The following NAPB variants were observed in gnomAD, a reference collection of about 807,000 sequenced individuals.
The protein encoded by NAPB is beta-soluble NSF attachment protein.
In NAPB, 26 loss-of-function variants were observed where a neutral mutation model predicts 44.7. The ratio of observed to expected loss-of-function variants is 0.58; its 90% CI spans 0.43 to 0.81. The LOEUF (loss-of-function observed/expected upper bound fraction) is 0.81. Ranked by LOEUF, NAPB falls within the 30% of genes least tolerant of loss-of-function variation. The pLI, the probability that NAPB is intolerant of heterozygous loss-of-function variation, is 0.00. For missense variants in NAPB, 315 were observed against 356.4 expected (o/e 0.88, Z 0.94); for synonymous variants, 120 against 116.8 (o/e 1.03, Z -0.18).
intron 5 of NAPB, among the ~76,000 whole-genome samples, chr20:23,393,678 C>T (rs949028218): frequency 1.3e-5 from 2 of 152,106 alleles, no homozygotes; most frequent in African/African-American, 4.8e-5. Flanking sequence ...TGTAAGGAGA[C>T]ATCTGCTCAG....
intron 5 of NAPB, among the ~76,000 whole-genome samples, chr20:23,392,444 C>A (rs879634401): frequency 1.2e-4 from 18 of 152,138 alleles, no homozygotes; most frequent in Non-Finnish European, 2.1e-4. Flanking sequence ...GATGGGAGGA[C>A]TGCTTGAGTC....
At chr20:23,407,550 C>G (rs1486105495) in intron 1 of NAPB, among the ~76,000 whole-genome samples, 2 of 152,052 alleles carry the variant, frequency 1.3e-5, no homozygotes, top group South Asian at 2.1e-4. Flanking sequence ...TGCCACCTGG[C>G]TGGCCCAGGT....
At chr20:23,411,994 G>A (rs1246604016) in intron 1 of NAPB, among the ~76,000 whole-genome samples, 1 of 152,136 alleles carries the variant, frequency 6.6e-6, no homozygotes, top group Non-Finnish European at 1.5e-5. Flanking sequence ...TATTCCGAAA[G>A]GCTTAAAATA....
rs1028492940 is a variant in NAPB, at chr20:23,400,660, G to A, written c.178+2333C>T. 7.2e-5 allele frequency among the ~76,000 whole-genome samples: 11 copies of A among 152,166 alleles called. 1 individual carries two copies. The highest frequency in any genetic ancestry group is 1.6e-4 in the Non-Finnish European group (11 of 68,038). ...GTGAGGATGATCTCTCAAAAGCTGA[G>A]TATCAAACAAATTAGCTTAGTCATT... On this transcript the variant is annotated intron_variant, in intron 2 of 10. Transcript: ENST00000377026.
chr20:23,395,029 A>G, intron 4 of NAPB, 30 bp from the exon 5 acceptor site: 4 of 1,613,436 alleles, frequency 2.5e-6, no homozygotes, highest in Non-Finnish European at 3.4e-6. Context: ...ACAGTCACAC[A>G]CCGATTTTAC....
rs1326767802 is a variant in NAPB at position 23,399,489 on chromosome 20, G to A, written c.179-2301C>T. ...ATCTGCTGGCACCTTGATCTTAAACGACCCAGCCTCCAGAACTCTGAACAA... is the reference window on the plus strand; with the variant it reads ...ATCTGCTGGCACCTTGATCTTAAACAACCCAGCCTCCAGAACTCTGAACAA... On this transcript the variant is annotated intron_variant, in intron 2 of 10. Coordinates refer to ENST00000377026, the MANE Select transcript of NAPB (RefSeq NM_022080.3). 3.3e-5 allele frequency among the ~76,000 whole-genome samples: 5 copies of A among 152,172 alleles called. No homozygotes were observed. In the South Asian group the frequency reaches 8.3e-4, roughly 25 times the overall value.
At chr20:23,380,355 T>C (rs1030448964) in intron 8 of NAPB, among the ~76,000 whole-genome samples, 3 of 152,212 alleles carry the variant, frequency 2.0e-5, no homozygotes, top group Admixed American at 6.5e-5. Context: ...ACACTGGCCA[T>C]GCCAAGGCTG....
intron 6 of NAPB, 23 bp from the exon 7 acceptor site, chr20:23,390,053 A>G: frequency 6.2e-7 from 1 of 1,611,956 alleles, no homozygotes; most frequent in South Asian, 1.1e-5. Flanking sequence ...ACCAAAGCAG[A>G]GTGAGTAACA....
intron 4 of NAPB, 64 bp from the exon 5 acceptor site, chr20:23,395,063 C>A: frequency 6.2e-7 from 1 of 1,612,262 alleles, no homozygotes; most frequent in Non-Finnish European, 8.5e-7. Flanking sequence ...AGTTTGGGAA[C>A]ATAAAAAAGA....
intron 7 of NAPB, among the ~76,000 whole-genome samples, chr20:23,384,047 G>C (rs1474721260): frequency 6.6e-6 from 1 of 152,168 alleles, no homozygotes; most frequent in East Asian, 1.9e-4. Flanking sequence ...TTTAAACTGT[G>C]TGAATCCACT....
At chr20:23,379,612 T>A in intron 9 of NAPB, 117 bp from the exon 10 acceptor site, 3 of 811,152 alleles carry the variant, frequency 3.7e-6, no homozygotes, top group Non-Finnish European at 5.8e-6. Flanking sequence ...GAGGAAATAC[T>A]CATATACAAG....
rs1324893330 is a variant in NAPB at position 23,403,964 on chromosome 20, GCAACACCCTGAGAAATGCATTTTA to G, written c.99-916_99-893del. Among the ~76,000 whole-genome samples, 10 of 152,096 alleles carry G rather than the reference GCAACACCCTGAGAAATGCATTTTA, an allele frequency of 6.6e-5. 1 individual carries two copies. Among genetic ancestry groups the G allele is most frequent in the African/African-American group, 2.2e-4 (9 of 41,406 alleles). On this transcript the variant is annotated intron_variant, in intron 1 of 10. Coordinates refer to ENST00000377026, the MANE Select transcript of NAPB (RefSeq NM_022080.3). ...CCGGCCCAGTTTAGAAATGCATTTT[GCAACACCCTGAGAAATGCATTTTA>G]CAACACCCTGAGAGAAGGGTACCTC...
intron 1 of NAPB, among the ~76,000 whole-genome samples, chr20:23,406,222 G>A (rs6048787): frequency 0.079 from 12,074 of 152,178 alleles, 1,120 homozygotes; most frequent in African/African-American, 0.22. Context: ...ACATTACCCA[G>A]GCTAAGGTTA....
intron 1 of NAPB, among the ~76,000 whole-genome samples, chr20:23,420,558 A>ACC (rs1438735859): frequency 2.0e-5 from 3 of 151,274 alleles, no homozygotes; most frequent in African/African-American, 7.3e-5. Flanking sequence ...CGGCCCCCGC[A>ACC]CCCACCCCTC....
chr20:23,419,319 T>G (rs1381779574), intron 1 of NAPB, among the ~76,000 whole-genome samples: 1 of 152,254 alleles, frequency 6.6e-6, no homozygotes, highest in Admixed American at 6.5e-5. Context: ...ATTCGTCTTC[T>G]TATATGTCCT....
chr20:23,419,812 C>T (rs995230864), intron 1 of NAPB, among the ~76,000 whole-genome samples: 1 of 152,202 alleles, frequency 6.6e-6, no homozygotes, highest in Non-Finnish European at 1.5e-5. Context: ...GACAGGGACC[C>T]TTATCTTCTT....
intron 7 of NAPB, among the ~76,000 whole-genome samples, chr20:23,382,976 G>A (rs957429391): frequency 5.3e-5 from 8 of 151,960 alleles, no homozygotes; most frequent in South Asian, 4.1e-4. Context: ...TCAACATGGC[G>A]AAACCTTGTC....
chr20:23,388,137 T>C (rs1398685560), intron 7 of NAPB, among the ~76,000 whole-genome samples: 2 of 152,178 alleles, frequency 1.3e-5, no homozygotes, highest in East Asian at 3.9e-4. Flanking sequence ...GGATTTGGAC[T>C]GGAGCTATAC....
intron 5 of NAPB, among the ~76,000 whole-genome samples, chr20:23,391,526 C>T (rs1983957600): frequency 6.6e-6 from 1 of 152,128 alleles, no homozygotes; most frequent in East Asian, 1.9e-4. Context: ...CCCCAAATAA[C>T]AAGAGATAAG....
Sources: gnomAD v4.1 joint callset for allele counts (sites outside exome capture counted in the v4.1 genomes callset) on GRCh38, gnomAD v4.1.1 for gene constraint, MANE v1.5 for transcripts, NCBI Gene and HGNC (gene_info 2026-07-23, HGNC 2026-07-21) for gene names.